STPG2: variants seen among roughly 807,000 people sequenced by gnomAD.
STPG2 encodes sperm tail PG-rich repeat containing 2.
STPG2 carries 56 observed loss-of-function variants against 54.2 expected under a neutral mutation model. That is an observed-to-expected ratio of 1.03 (90% confidence interval 0.83 to 1.29). The LOEUF (loss-of-function observed/expected upper bound fraction) is 1.29, where lower values mean the gene tolerates loss of function less well. Among genes scored for constraint, STPG2 ranks in the 50% most tolerant of loss-of-function variants. The pLI, the probability that STPG2 is intolerant of heterozygous loss-of-function variation, is 0.00. For synonymous variants in STPG2, 200 were observed against 181.8 expected (o/e 1.10, Z -0.81); for missense variants, 596 against 544.9 (o/e 1.09, Z -0.93).
intron 5 of STPG2, among the ~76,000 whole-genome samples, chr4:98,012,311 G>T (rs1173023274): frequency 3.3e-5 from 5 of 152,080 alleles, no homozygotes; most frequent in African/African-American, 9.7e-5. Flanking sequence ...TAGTCTATAT[G>T]TCTGTTTTGG....
chr4:97,913,350 G>A (rs939347629), intron 8 of STPG2, among the ~76,000 whole-genome samples: 3 of 152,116 alleles, frequency 2.0e-5, no homozygotes, highest in African/African-American at 7.2e-5. Flanking sequence ...TTTGGAATTA[G>A]AGCAAATAAA....
chr4:97,726,394 T>G (rs955508620), intron 9 of STPG2, among the ~76,000 whole-genome samples: 1 of 151,966 alleles, frequency 6.6e-6, no homozygotes, highest in African/African-American at 2.4e-5. Context: ...TGAATGTACT[T>G]AATGCCACTG....
intron 3 of STPG2, among the ~76,000 whole-genome samples, chr4:98,127,374 A>G (rs1350609604): frequency 2.0e-5 from 3 of 152,184 alleles, no homozygotes; most frequent in African/African-American, 4.8e-5. Context: ...TAAAACCCCA[A>G]AAACTTCCCA....
intron 8 of STPG2, among the ~76,000 whole-genome samples, chr4:97,904,049 G>C (rs568247838): frequency 1.3e-5 from 2 of 152,336 alleles, no homozygotes; most frequent in South Asian, 4.1e-4. Context: ...GCCCAGGCTT[G>C]CTTAGGTAAA....
chr4:98,044,340 C>A lies in STPG2; in HGVS notation c.612+61613G>T, dbSNP rs139596526. 2.4e-4 allele frequency among the ~76,000 whole-genome samples: 36 copies of A among 152,252 alleles called. 1 individual carries two copies. The East Asian group carries it at 3.3e-3, about 14-fold the overall frequency. On this transcript the variant is annotated intron_variant, in intron 5 of 10. Coordinates refer to ENST00000295268, the MANE Select transcript of STPG2 (RefSeq NM_174952.3). ...TCCTTTCATCTCAACTTTAAAAATTCTCTTTAGCAATTTGGTCACAACAGT... is the reference window on the plus strand; with the variant it reads ...TCCTTTCATCTCAACTTTAAAAATTATCTTTAGCAATTTGGTCACAACAGT...
chr4:98,066,134 C>T (rs1427218169), intron 5 of STPG2, among the ~76,000 whole-genome samples: 3 of 151,626 alleles, frequency 2.0e-5, no homozygotes, highest in Non-Finnish European at 4.4e-5. Context: ...TATAACCTAT[C>T]TAAGTATGTA....
intron 9 of STPG2, among the ~76,000 whole-genome samples, chr4:97,744,583 C>T (rs1438928688): frequency 6.6e-6 from 1 of 151,158 alleles, no homozygotes; most frequent in Non-Finnish European, 1.5e-5. Flanking sequence ...CCTAAGACCC[C>T]CAGTGGATGC....
intron 9 of STPG2, among the ~76,000 whole-genome samples, chr4:97,796,967 G>A (rs1220034165): frequency 1.3e-5 from 2 of 152,024 alleles, no homozygotes; most frequent in Non-Finnish European, 2.9e-5. Context: ...ATTGTGAATG[G>A]GAGTTCACTC....
intron 8 of STPG2, among the ~76,000 whole-genome samples, chr4:97,848,368 G>C (rs111760122): frequency 6.6e-6 from 1 of 152,070 alleles, no homozygotes; most frequent in Non-Finnish European, 1.5e-5. Flanking sequence ...AAAGCTGTCC[G>C]ATGAGAAGGA....
At chr4:98,135,899 T>A (rs1740121243) in intron 1 of STPG2, among the ~76,000 whole-genome samples, 1 of 151,604 alleles carries the variant, frequency 6.6e-6, no homozygotes, top group Non-Finnish European at 1.5e-5. Flanking sequence ...AATACATATA[T>A]AAATACACAC....
chr4:97,990,561 A>AT (rs1273536643), intron 5 of STPG2, among the ~76,000 whole-genome samples: 4 of 152,156 alleles, frequency 2.6e-5, no homozygotes, highest in African/African-American at 4.8e-5. Flanking sequence ...CTTGTTGAGT[A>AT]TGGGAATCTA....
chr4:97,653,750 A>T (rs1280416018), intron 10 of STPG2, among the ~76,000 whole-genome samples: 1 of 152,208 alleles, frequency 6.6e-6, no homozygotes, highest in Non-Finnish European at 1.5e-5. Context: ...AATGGTGTTT[A>T]GTGTCCAGAA....
chr4:97,834,650 A>G (rs1728577925), intron 9 of STPG2, among the ~76,000 whole-genome samples: 1 of 152,104 alleles, frequency 6.6e-6, no homozygotes, highest in African/African-American at 2.4e-5. Flanking sequence ...AATATGGTAC[A>G]CATGTTATTA....
intron 4 of STPG2, among the ~76,000 whole-genome samples, chr4:97,537,270 G>T (rs1731557553): frequency 1.3e-5 from 2 of 152,262 alleles, no homozygotes; most frequent in South Asian, 4.1e-4. Context: ...GGAAGCACAA[G>T]GGGTCAGGGA....
At chr4:98,128,327 T>C (rs1251234379) in intron 3 of STPG2, 101 bp downstream of exon 3, 1 of 1,118,330 alleles carries the variant, frequency 8.9e-7, no homozygotes, top group Non-Finnish European at 1.2e-6. Context: ...CTAAAACGTG[T>C]AATCATTTTT....
At chr4:97,834,976 G>A (rs1728587821) in intron 9 of STPG2, among the ~76,000 whole-genome samples, 1 of 152,072 alleles carries the variant, frequency 6.6e-6, no homozygotes, top group East Asian at 1.9e-4. Context: ...TTATAAAAGG[G>A]AGGGGGATAA....
At chr4:97,712,873 G>C (rs910344125) in intron 9 of STPG2, 59 bp from the exon 10 acceptor site, 8 of 1,243,246 alleles carry the variant, frequency 6.4e-6, no homozygotes, top group Non-Finnish European at 8.9e-6. Context: ...ATTGATTTTG[G>C]TCATATGAAT....
At chr4:97,824,699 A>T (rs1369664023) in intron 9 of STPG2, among the ~76,000 whole-genome samples, 1 of 152,170 alleles carries the variant, frequency 6.6e-6, no homozygotes, top group Non-Finnish European at 1.5e-5. Context: ...TCAGCCCTAA[A>T]AATTATCTTG....
intron 9 of STPG2, among the ~76,000 whole-genome samples, chr4:97,822,810 C>T (rs1267436794): frequency 6.6e-6 from 1 of 152,194 alleles, no homozygotes. Flanking sequence ...GACGGCTCTA[C>T]CCCCATGACC....
Sources: gnomAD v4.1 joint callset for allele counts (sites outside exome capture counted in the v4.1 genomes callset) on GRCh38, gnomAD v4.1.1 for gene constraint, MANE v1.5 for transcripts, NCBI Gene and HGNC (gene_info 2026-07-23, HGNC 2026-07-21) for gene names.